The following ITGA2 variants were observed in gnomAD, a reference collection of about 807,000 sequenced individuals.
The protein encoded by ITGA2 is integrin subunit alpha 2.
ITGA2 carries 101 observed loss-of-function variants against 146.3 expected under a neutral mutation model. That is an observed-to-expected ratio of 0.69 (90% CI 0.59 to 0.81). The LOEUF (loss-of-function observed/expected upper bound fraction) is 0.81. Among genes scored for constraint, ITGA2 ranks in the 40% least tolerant of loss-of-function variants. The pLI is 0.00. For synonymous variants in ITGA2, 477 were observed against 487.1 expected (o/e 0.98, Z 0.27); for missense variants, 1,281 against 1,402.7 (o/e 0.91, Z 1.39).
chr5:53,055,720 G>A (rs766832359), intron 8 of ITGA2, 32 bp downstream of exon 8: 23 of 1,609,612 alleles, frequency 1.4e-5, no homozygotes, highest in South Asian at 4.4e-5. Context: ...TTGTCTTGCC[G>A]CTATTGGGTA....
chr5:53,034,183 A>T (rs76072064), intron 2 of ITGA2, among the ~76,000 whole-genome samples: 5,611 of 152,218 alleles, frequency 0.037, 143 homozygotes, highest in East Asian at 0.073. Context: ...CAACTGTAAT[A>T]TATTCTTACA....
At chr5:52,990,090 T>C (rs1422659292) in intron 1 of ITGA2, 2 of 157,446 alleles carry the variant, frequency 1.3e-5, no homozygotes, top group East Asian at 3.6e-4. Flanking sequence ...TATTTCTTAC[T>C]TGAGGACGAA....
Position 52,989,454 on chromosome 5 carries a change from C to T in ITGA2, c.-15C>T, listed in dbSNP as rs1740801369. ...GCAAACCCAGCGCAACTACGGTCCC[C>T]CGGTCAGACCCAGGATGGGGCCAGA... On this transcript the variant is annotated 5_prime_UTR_variant, in exon 1 of 30. Transcript: ENST00000296585. 2 of 1,614,066 alleles carry T rather than the reference C, an allele frequency of 1.2e-6. No individual in the cohort carries two copies. The highest frequency in any genetic ancestry group is 1.7e-6 in the Non-Finnish European group (2 of 1,179,996).
intron 15 of ITGA2, 107 bp downstream of exon 15, chr5:53,066,084 C>A: frequency 9.5e-7 from 1 of 1,051,482 alleles, no homozygotes. Context: ...TTCTATAAGA[C>A]TATAGGGAAT....
chr5:52,997,420 T>G (rs1741322049), intron 1 of ITGA2, among the ~76,000 whole-genome samples: 1 of 152,210 alleles, frequency 6.6e-6, no homozygotes, highest in Admixed American at 6.5e-5. Context: ...AGTTAATTTT[T>G]AAACAGAGCA....
At chr5:53,032,101 G>C (rs1426037333) in intron 2 of ITGA2, among the ~76,000 whole-genome samples, 2 of 152,040 alleles carry the variant, frequency 1.3e-5, no homozygotes, top group African/African-American at 4.8e-5. Flanking sequence ...TTCTAACAAG[G>C]ACTAGTGCAT....
chr5:53,062,060 G>GT (rs1744926898), intron 12 of ITGA2, among the ~76,000 whole-genome samples: 1 of 151,808 alleles, frequency 6.6e-6, no homozygotes, highest in Non-Finnish European at 1.5e-5. Context: ...ATTGAACGTT[G>GT]TTGAATGGGA....
rs73756612 is a variant in ITGA2 at position 53,067,352 on chromosome 5, T to C, written c.2083+95T>C. The C allele has an allele frequency of 1.8e-3, 2,480 of 1,378,916 alleles. 30 individuals are homozygous for C. The African/African-American group carries it at 0.026, about 14-fold the overall frequency. The allele number at this position is 1,378,916 out of a possible 1,614,324, so 85.4% of individuals were successfully genotyped here. A position where few individuals can be genotyped will look rare whatever the true frequency, so the allele number is the denominator to read the frequency against. On this transcript the variant is annotated intron_variant, in intron 16 of 29. Transcript: ENST00000296585. The stretch of plus-strand genomic sequence containing the variant: ...ATTTTGGTTTGTAGGCCAAGAGAAA[T>C]AAGGGTTTTAGTTATAGACACTTAA...
intron 1 of ITGA2, among the ~76,000 whole-genome samples, chr5:53,023,248 C>T (rs1561097886): frequency 6.6e-6 from 1 of 152,216 alleles, no homozygotes; most frequent in African/African-American, 2.4e-5. Flanking sequence ...CTATGACTCT[C>T]TGTGCCAGAC....
intron 23 of ITGA2, among the ~76,000 whole-genome samples, chr5:53,075,525 G>T (rs189794451): frequency 1.8e-4 from 27 of 152,038 alleles, no homozygotes; most frequent in Admixed American, 1.1e-3. Context: ...GCCCAGAAAG[G>T]CAGAGAAAGA....
intron 1 of ITGA2, among the ~76,000 whole-genome samples, chr5:53,007,019 G>A (rs1436092772): frequency 3.9e-5 from 6 of 152,174 alleles, no homozygotes; most frequent in Admixed American, 3.9e-4. Context: ...AGGTGTGAAA[G>A]TGAAAGGAGC....
chr5:53,090,131 TCAA>T (rs1204507456), intron 29 of ITGA2, 69 bp downstream of exon 29: 9 of 928,264 alleles, frequency 9.7e-6, no homozygotes, highest in Non-Finnish European at 1.3e-5. Flanking sequence ...TTACAAAACA[TCAA>T]CTTCAGGTTT....
chr5:53,047,555 C>T (rs1579849143), intron 4 of ITGA2, among the ~76,000 whole-genome samples: 1 of 152,184 alleles, frequency 6.6e-6, no homozygotes, highest in African/African-American at 2.4e-5. Context: ...GTCAGTGAAC[C>T]TCATTTGTGT....
rs1408272067 is a variant in ITGA2 at position 53,072,067 on chromosome 5, TC to T, written c.2346+21del. The stretch of plus-strand genomic sequence containing the variant: ...CTTCAGTGTAAGTGCAGCTTACACT[TC>T]CTGGATTTAGACTGGCAAATAAAGT... On this transcript the variant is annotated intron_variant, in intron 18 of 29. Transcript: ENST00000296585. The T allele has an allele frequency of 1.3e-6, 2 of 1,504,798 alleles. No individual in the cohort carries two copies. The highest frequency in any genetic ancestry group is 1.8e-6 in the Non-Finnish European group (2 of 1,081,542). The allele number at this position is 1,504,798 out of a possible 1,614,324, so 93.2% of individuals were successfully genotyped here.
chr5:53,052,074 C>A (rs1369041127), intron 7 of ITGA2, among the ~76,000 whole-genome samples: 1 of 152,076 alleles, frequency 6.6e-6, no homozygotes, highest in Admixed American at 6.6e-5. Context: ...ACTGACCTTT[C>A]TTTTCACTCT....
At chr5:53,021,583 C>A (rs548783178) in intron 1 of ITGA2, among the ~76,000 whole-genome samples, 6 of 152,318 alleles carry the variant, frequency 3.9e-5, no homozygotes, top group African/African-American at 1.4e-4. Flanking sequence ...CTGCCCTCGG[C>A]ATGCTCTAGT....
At chr5:53,079,844 C>T (rs1399247356) in intron 24 of ITGA2, among the ~76,000 whole-genome samples, 3 of 152,032 alleles carry the variant, frequency 2.0e-5, no homozygotes, top group African/African-American at 4.8e-5. Flanking sequence ...GTTCCCAGAT[C>T]GGTTATGAGC....
intron 1 of ITGA2, among the ~76,000 whole-genome samples, chr5:53,012,311 G>T (rs1464537322): frequency 1.3e-5 from 2 of 152,270 alleles, no homozygotes; most frequent in South Asian, 4.1e-4. Flanking sequence ...TTGGTTTTCT[G>T]TTCCTGGCAC....
chr5:53,075,746 A>G (rs1453947211), intron 23 of ITGA2, among the ~76,000 whole-genome samples: 1 of 152,016 alleles, frequency 6.6e-6, no homozygotes, highest in African/African-American at 2.4e-5. Context: ...TGCACAGAGT[A>G]GGTCCACAAT....
Sources: allele counts gnomAD v4.1 joint callset (sites outside exome capture counted in the v4.1 genomes callset), GRCh38; gene constraint gnomAD v4.1.1; transcripts MANE v1.5; gene names NCBI Gene and HGNC (gene_info 2026-07-23, HGNC 2026-07-21).